ANKS1B: variants seen among roughly 807,000 people sequenced by gnomAD.
The protein encoded by ANKS1B is ankyrin repeat and sterile alpha motif domain containing 1B, also known as ankyrin repeat and sterile alpha motif domain-containing protein 1B.
ANKS1B carries 36 observed loss-of-function variants against 148.3 expected under a neutral mutation model. That is an observed-to-expected ratio of 0.24 (90% CI 0.19 to 0.32). The LOEUF is 0.32. Among genes scored for constraint, ANKS1B ranks in the 10% least tolerant of loss-of-function variants. The pLI is 1.00. For missense variants in ANKS1B, 1,157 were observed against 1,542.6 expected, an observed-to-expected ratio of 0.75 and a Z score of 4.19; for synonymous variants, 542 against 560.8, an observed-to-expected ratio of 0.97 and a Z score of 0.47.
chr12:99,346,350 T>C (rs2090676586), intron 12 of ANKS1B, among the ~76,000 whole-genome samples: 1 of 151,242 alleles, frequency 6.6e-6, no homozygotes, highest in Non-Finnish European at 1.5e-5. Context: ...AATGCATGTA[T>C]ACATTCTCTC....
intron 8 of ANKS1B, among the ~76,000 whole-genome samples, chr12:99,695,995 T>A (rs983763419): frequency 6.6e-6 from 1 of 152,242 alleles, no homozygotes; most frequent in Non-Finnish European, 1.5e-5. Context: ...GGCACTATGC[T>A]CACTACCTGG....
At chr12:99,853,026 G>A (rs986866006) in intron 1 of ANKS1B, among the ~76,000 whole-genome samples, 1 of 152,128 alleles carries the variant, frequency 6.6e-6, no homozygotes. Flanking sequence ...CATTGGCCTG[G>A]GAACCAAACT....
At chr12:99,767,918 T>G (rs1601745160) in intron 8 of ANKS1B, among the ~76,000 whole-genome samples, 1 of 152,114 alleles carries the variant, frequency 6.6e-6, no homozygotes, top group East Asian at 1.9e-4. Flanking sequence ...AGCTAATATT[T>G]TAATAGAAAC....
chr12:99,031,325 TA>T (rs1188853552), intron 17 of ANKS1B, among the ~76,000 whole-genome samples: 1 of 152,334 alleles, frequency 6.6e-6, no homozygotes, highest in Non-Finnish European at 1.5e-5. Context: ...TGATAAATAG[TA>T]TTAAAGACCT....
intron 2 of ANKS1B, 104 bp downstream of exon 2, chr12:99,825,205 C>A: frequency 1.1e-6 from 1 of 922,694 alleles, no homozygotes; most frequent in Non-Finnish European, 1.7e-6. Context: ...TTCACCTAAG[C>A]CCATTGGACT....
At chr12:99,498,410 T>A (rs2096624246) in intron 10 of ANKS1B, among the ~76,000 whole-genome samples, 1 of 152,180 alleles carries the variant, frequency 6.6e-6, no homozygotes, top group Non-Finnish European at 1.5e-5. Flanking sequence ...TCACCCTCTC[T>A]GCATCTCTGC....
rs79994474 is a variant in ANKS1B at position 99,237,439 on chromosome 12, T to C, written c.2419+6903A>G. Reference sequence around the variant, plus strand: ...GGCTACAAAACTCAAACAAGAAAAATGAATAGATTTGGATCTGATATGGCC... The same window carrying C: ...GGCTACAAAACTCAAACAAGAAAAACGAATAGATTTGGATCTGATATGGCC... On this transcript the variant is annotated intron_variant, in intron 14 of 26. Coordinates refer to ENST00000683438, the MANE Select transcript of ANKS1B (RefSeq NM_001352186.2). 9.2e-5 allele frequency among the ~76,000 whole-genome samples: 14 copies of C among 152,028 alleles called. No individual in the cohort carries two copies. The East Asian group carries it at 2.5e-3, about 27-fold the overall frequency.
chr12:99,704,336 T>C (rs938560049), intron 8 of ANKS1B, among the ~76,000 whole-genome samples: 1 of 151,988 alleles, frequency 6.6e-6, no homozygotes, highest in Non-Finnish European at 1.5e-5. Context: ...GGGATGCTCA[T>C]GTGGAACAAG....
rs147718639 is a variant in ANKS1B, at chr12:99,074,200, A to T, written c.2625+10725T>A. ...AAGGATGACGGCTGCTGGGGATAGC[A>T]ATAGATCAGAACCTATTTTCCTGCC... On this transcript the variant is annotated intron_variant, in intron 16 of 26. Coordinates refer to ENST00000683438, the MANE Select transcript of ANKS1B (RefSeq NM_001352186.2). 2.6e-5 allele frequency among the ~76,000 whole-genome samples: 4 copies of T among 152,294 alleles called. No homozygotes were observed. The East Asian group carries it at 7.7e-4, about 29-fold the overall frequency.
Position 98,809,984 on chromosome 12 carries a change from G to A in ANKS1B, c.3067-2066C>T, listed in dbSNP as rs2099081932. On this transcript the variant is annotated intron_variant, in intron 19 of 26. Coordinates refer to ENST00000683438, the MANE Select transcript of ANKS1B (RefSeq NM_001352186.2). ...CGAGGCCATGCTAGGCAAAGGTTAA[G>A]TCACGCACCCCTATACCTAAAGAAT... 1.3e-5 allele frequency among the ~76,000 whole-genome samples: 2 copies of A among 152,196 alleles called. 1 individual carries two copies. Among genetic ancestry groups the A allele is most frequent in the South Asian group, 4.1e-4 (2 of 4,826 alleles).
intron 12 of ANKS1B, among the ~76,000 whole-genome samples, chr12:99,329,108 G>C (rs1158616261): frequency 6.6e-6 from 1 of 151,974 alleles, no homozygotes; most frequent in African/African-American, 2.4e-5. Flanking sequence ...GCAACTTCAA[G>C]TGGCCTAATA....
chr12:99,941,780 G>A (rs898392302), intron 1 of ANKS1B, among the ~76,000 whole-genome samples: 2 of 152,116 alleles, frequency 1.3e-5, no homozygotes, highest in African/African-American at 2.4e-5. Flanking sequence ...CTTTATTTCA[G>A]CCCTTTCAGA....
chr12:98,852,791 A>C (rs1204372792), intron 17 of ANKS1B, among the ~76,000 whole-genome samples: 1 of 152,116 alleles, frequency 6.6e-6, no homozygotes, highest in African/African-American at 2.4e-5. Context: ...ATTAAAATGA[A>C]CATTTGGAAT....
At chr12:99,855,995 C>G (rs1160996824) in intron 1 of ANKS1B, among the ~76,000 whole-genome samples, 1 of 151,868 alleles carries the variant, frequency 6.6e-6, no homozygotes, top group East Asian at 1.9e-4. Context: ...AAGGTCATAC[C>G]TTAAGGAGCT....
intron 8 of ANKS1B, among the ~76,000 whole-genome samples, chr12:99,657,755 C>T (rs189693682): frequency 6.6e-5 from 10 of 151,524 alleles, no homozygotes; most frequent in East Asian, 3.9e-4. Context: ...AACATTGATG[C>T]GGCACATACT....
chr12:99,366,087 C>T (rs1471124456), intron 12 of ANKS1B, among the ~76,000 whole-genome samples: 1 of 152,136 alleles, frequency 6.6e-6, no homozygotes, highest in Non-Finnish European at 1.5e-5. Flanking sequence ...GGGGGCAGCC[C>T]CCTCTGGACT....
At chr12:99,558,981 G>T (rs981628698) in intron 9 of ANKS1B, among the ~76,000 whole-genome samples, 2 of 152,160 alleles carry the variant, frequency 1.3e-5, no homozygotes, top group African/African-American at 4.8e-5. Context: ...CATGGCAAGA[G>T]CTGGTCACTC....
chr12:99,636,040 T>C (rs1363821216), intron 9 of ANKS1B, among the ~76,000 whole-genome samples: 1 of 151,210 alleles, frequency 6.6e-6, no homozygotes, highest in Non-Finnish European at 1.5e-5. Flanking sequence ...GAACACTTCA[T>C]AAAAATTAAA....
intron 17 of ANKS1B, among the ~76,000 whole-genome samples, chr12:99,047,696 T>G (rs1255396821): frequency 1.3e-5 from 2 of 152,152 alleles, no homozygotes; most frequent in Admixed American, 1.3e-4. Flanking sequence ...TAAAGTACTG[T>G]TCGTTAGAAT....
Sources: gnomAD v4.1 joint callset for allele counts (sites outside exome capture counted in the v4.1 genomes callset) on GRCh38, gnomAD v4.1.1 for gene constraint, MANE v1.5 for transcripts, NCBI Gene and HGNC (gene_info 2026-07-23, HGNC 2026-07-21) for gene names.